The following PLCE1 variants were observed in gnomAD, a reference collection of about 807,000 sequenced individuals.
The protein encoded by PLCE1 is phospholipase C epsilon 1, also known as 1-phosphatidylinositol 4,5-bisphosphate phosphodiesterase epsilon-1.
Under a neutral mutation model 242.8 loss-of-function variants are expected in PLCE1, and 119 were observed. That is an observed-to-expected ratio of 0.49 (90% confidence interval 0.42 to 0.57). The LOEUF is 0.57. Ranked by LOEUF, PLCE1 falls within the 20% of genes least tolerant of loss-of-function variation. The probability of loss-of-function intolerance (pLI) is 0.00; values close to 1 mark genes in which losing one functional copy is unlikely to be tolerated. For synonymous variants in PLCE1, 945 were observed against 1,017.4 expected (o/e 0.93, Z 1.35); for missense variants, 2,441 against 2,788.8 (o/e 0.88, Z 2.81).
intron 3 of PLCE1, among the ~76,000 whole-genome samples, chr10:94,153,365 A>G (rs1218539248): frequency 6.6e-6 from 1 of 152,202 alleles, no homozygotes; most frequent in East Asian, 1.9e-4. Flanking sequence ...CACAAAATCC[A>G]ACATCTTTTT....
At chr10:94,055,330 A>G (rs1318676614) in intron 2 of PLCE1, among the ~76,000 whole-genome samples, 3 of 142,652 alleles carry the variant, frequency 2.1e-5, no homozygotes, top group Non-Finnish European at 4.5e-5. Context: ...TTTTTTTTGG[A>G]GATGGAGTCT....
At chr10:94,204,100 A>G (rs1010515651) in intron 4 of PLCE1, among the ~76,000 whole-genome samples, 3 of 152,172 alleles carry the variant, frequency 2.0e-5, no homozygotes, top group African/African-American at 7.2e-5. Flanking sequence ...ATTTTTTTAA[A>G]TGGTAGAATA....
chr10:94,064,287 C>T (rs2044140335), intron 2 of PLCE1, among the ~76,000 whole-genome samples: 2 of 152,122 alleles, frequency 1.3e-5, no homozygotes, highest in Non-Finnish European at 1.5e-5. Context: ...CGTGGTGGCT[C>T]AGGCTTGTAA....
chr10:94,006,923 A>C (rs577508982), intron 1 of PLCE1, among the ~76,000 whole-genome samples: 1 of 152,244 alleles, frequency 6.6e-6, no homozygotes, highest in Admixed American at 6.5e-5. Flanking sequence ...TGATTCTGCT[A>C]GTCCTGATGA....
intron 19 of PLCE1, among the ~76,000 whole-genome samples, chr10:94,278,509 T>C (rs2052048872): frequency 6.6e-6 from 1 of 152,234 alleles, no homozygotes; most frequent in African/African-American, 2.4e-5. Flanking sequence ...TACTATGTTT[T>C]CTACTGTGTT....
At position 94,132,245 on chromosome 10, in the gene PLCE1, C is replaced by G. The variant is rs886441674; in HGVS notation, c.1278C>G (p.Leu426=). 6.2e-7 allele frequency: 1 copy of G among 1,614,100 alleles called. No individual in the cohort carries two copies. Among genetic ancestry groups the G allele is most frequent in the Admixed American group, 1.7e-5 (1 of 60,020 alleles). The change falls in exon 3 of 33, where the codon CTC becomes CTG. Residue 426 remains leucine (L), a synonymous_variant. Coordinates refer to ENST00000371380, the MANE Select transcript of PLCE1 (RefSeq NM_016341.4). Reference sequence around the variant, plus strand: ...CTCTACTCCATTTCCTCACCAAGCTCCCAGCCTCCGAGACAGCCCATGGAA... The same window carrying G: ...CTCTACTCCATTTCCTCACCAAGCTGCCAGCCTCCGAGACAGCCCATGGAA... The part of the protein sequence containing the change: ...VGSLLHFLTK[L]PASETAHGRI...
intron 4 of PLCE1, among the ~76,000 whole-genome samples, chr10:94,178,748 TG>T (rs1206635801): frequency 3.3e-5 from 5 of 152,376 alleles, no homozygotes; most frequent in African/African-American, 9.6e-5. Context: ...GTCATAGCTA[TG>T]GAAAGACCAT....
At chr10:94,013,011 C>T (rs2061200758) in intron 1 of PLCE1, among the ~76,000 whole-genome samples, 1 of 152,198 alleles carries the variant, frequency 6.6e-6, no homozygotes, top group African/African-American at 2.4e-5. Flanking sequence ...TCACCTCTCT[C>T]TCTATCCTTG....
chr10:94,078,285 C>G (rs2135198802), intron 2 of PLCE1, among the ~76,000 whole-genome samples: 1 of 152,212 alleles, frequency 6.6e-6, no homozygotes, highest in South Asian at 2.1e-4. Flanking sequence ...AGCATTTAGT[C>G]CTTAATAATT....
At chr10:94,233,858 G>A (rs1254510700) in intron 5 of PLCE1, among the ~76,000 whole-genome samples, 196 bp from the exon 6 acceptor site, 1 of 151,888 alleles carries the variant, frequency 6.6e-6, no homozygotes, top group Non-Finnish European at 1.5e-5. Context: ...TGAGGCAGGA[G>A]AATCGCTTGA....
intron 1 of PLCE1, among the ~76,000 whole-genome samples, chr10:94,013,824 G>A (rs897412979): frequency 6.6e-6 from 1 of 152,210 alleles, no homozygotes; most frequent in Non-Finnish European, 1.5e-5. Flanking sequence ...GATGACATTT[G>A]AGCCGAAATC....
chr10:94,254,246 CAA>C lies in PLCE1; in HGVS notation c.3338_3339del (p.Lys1113ArgfsTer9), dbSNP rs918508213. The C allele has an allele frequency of 6.2e-7, 1 of 1,613,894 alleles. No homozygotes were observed. On this transcript the variant is annotated frameshift_variant, in exon 10 of 33. Coordinates refer to ENST00000371380, the MANE Select transcript of PLCE1 (RefSeq NM_016341.4). LOFTEE classifies it high-confidence loss of function. ...TGGCAACCCGAAAGGCCAAGATGCACAAAGAGTGTCGAAGCCGGAGTGGTTCT... is the reference window on the plus strand; with the variant it reads ...TGGCAACCCGAAAGGCCAAGATGCACAGAGTGTCGAAGCCGGAGTGGTTCT... ...EMATRKAKMH[K>X]ECRSRSGSDP...
intron 21 of PLCE1, among the ~76,000 whole-genome samples, chr10:94,284,433 A>G (rs2052363369): frequency 6.6e-6 from 1 of 152,200 alleles, no homozygotes; most frequent in South Asian, 2.1e-4. Context: ...TAGGAAGATA[A>G]ATGAGATACC....
At chr10:94,167,359 A>T (rs1590169398) in intron 3 of PLCE1, among the ~76,000 whole-genome samples, 1 of 151,852 alleles carries the variant, frequency 6.6e-6, no homozygotes, top group African/African-American at 2.4e-5. Context: ...TAACAATTTT[A>T]TCACCTTCTC....
At chr10:94,297,207 T>G (rs1279192918) in intron 23 of PLCE1, among the ~76,000 whole-genome samples, 1 of 152,038 alleles carries the variant, frequency 6.6e-6, no homozygotes, top group Admixed American at 6.6e-5. Context: ...GACTCTCCCT[T>G]TCACTTGAAC....
At chr10:94,089,283 C>A in intron 2 of PLCE1, 1 of 1,614,012 alleles carries the variant, frequency 6.2e-7, no homozygotes, top group Non-Finnish European at 8.5e-7. Context: ...TCTCAGCTGT[C>A]TTGAAGGTTG....
At chr10:94,285,524 C>G (rs1236981078) in intron 22 of PLCE1, among the ~76,000 whole-genome samples, 1 of 152,158 alleles carries the variant, frequency 6.6e-6, no homozygotes, top group Non-Finnish European at 1.5e-5. Context: ...CTTTCTCTTT[C>G]CTCATTTCTC....
In PLCE1 at chr10:94,246,158, C is replaced by T. The variant is rs746973887; in HGVS notation, c.2633C>T (p.Ala878Val). 6.2e-7 allele frequency: 1 copy of T among 1,614,134 alleles called. No individual in the cohort carries two copies. The highest frequency in any genetic ancestry group is 8.5e-7 in the Non-Finnish European group (1 of 1,180,008). Residue 878 changes from alanine to valine, a missense_variant, in exon 8 of 33, where the codon GCC (alanine) becomes GTC (valine). Physicochemically the swap from Ala to Val is moderately conservative, Grantham distance 64 (BLOSUM62 0). This residue lies in a region of PLCE1 where 733 missense variants were observed against 754.2 expected (regional missense o/e 0.97). Transcript: ENST00000371380. Reference sequence around the variant, plus strand: ...TACGACCAGGACACACACCTCTCTGCCCGCTGCTTCCTCCAGCTTCAGCCC... The same window carrying T: ...TACGACCAGGACACACACCTCTCTGTCCGCTGCTTCCTCCAGCTTCAGCCC... ...IHYDQDTHLS[A>V]RCFLQLQPDN...
intron 2 of PLCE1, among the ~76,000 whole-genome samples, chr10:94,117,318 A>G (rs982062132): frequency 6.6e-6 from 1 of 152,194 alleles, no homozygotes; most frequent in African/African-American, 2.4e-5. Flanking sequence ...CAAAGTAGCT[A>G]CAGAAGTGAT....
Sources: allele counts gnomAD v4.1 joint callset (sites outside exome capture counted in the v4.1 genomes callset), GRCh38; gene constraint gnomAD v4.1.1; regional missense constraint gnomAD v4.1.1; transcripts MANE v1.5; gene names NCBI Gene and HGNC (gene_info 2026-07-23, HGNC 2026-07-21).